Variants in NDUFAF6 observed in about 807,000 individuals in gnomAD.
NDUFAF6 encodes the protein NADH dehydrogenase (ubiquinone) complex I, assembly factor 6.
In NDUFAF6, 45 loss-of-function variants were observed where a neutral mutation model predicts 40.8. The ratio of observed to expected loss-of-function variants is 1.10; its 90% CI spans 0.87 to 1.42. The LOEUF is 1.42. Among genes scored for constraint, NDUFAF6 ranks in the 40% most tolerant of loss-of-function variants. The pLI is 0.00. For missense variants in NDUFAF6, 435 were observed against 418.5 expected (o/e 1.04, Z -0.34); for synonymous variants, 185 against 155.9 (o/e 1.19, Z -1.39).
chr8:95,117,076 T>G (rs1342116372), downstream of NDUFAF6, among the ~76,000 whole-genome samples: 2 of 152,204 alleles, frequency 1.3e-5, no homozygotes, highest in African/African-American at 4.8e-5. Context: ...CTAATGGGAC[T>G]GGTGGCTGTA....
intron 1 of NDUFAF6, among the ~76,000 whole-genome samples, chr8:94,908,862 C>G (rs7001535): frequency 0.62 from 94,545 of 152,038 alleles, 30,116 homozygotes; most frequent in East Asian, 0.79. Flanking sequence ...AGCCTTGACT[C>G]CTAATTTTAT....
chr8:95,052,561 G>A (rs1024658433), intron 8 of NDUFAF6, among the ~76,000 whole-genome samples: 1 of 152,140 alleles, frequency 6.6e-6, no homozygotes, highest in Non-Finnish European at 1.5e-5. Flanking sequence ...AATAATAGGA[G>A]AAACTACTTT....
At chr8:95,006,709 G>A (rs1053848084) in intron 2 of NDUFAF6, among the ~76,000 whole-genome samples, 2 of 152,062 alleles carry the variant, frequency 1.3e-5, no homozygotes, top group South Asian at 2.1e-4. Flanking sequence ...GTGAAACTCC[G>A]TCTCTACAAA....
At chr8:95,046,032 A>ATTTATTTTAT (rs546325431) in intron 5 of NDUFAF6, among the ~76,000 whole-genome samples, 1 of 147,812 alleles carries the variant, frequency 6.8e-6, no homozygotes, top group South Asian at 2.1e-4. Flanking sequence ...AGTAAAACAC[A>ATTTATTTTAT]TTTATTTTAT....
At chr8:95,073,868 C>T (rs1000999547) in intron 9 of NDUFAF6, among the ~76,000 whole-genome samples, 2 of 152,156 alleles carry the variant, frequency 1.3e-5, no homozygotes, top group African/African-American at 4.8e-5. Flanking sequence ...AATTTGAATC[C>T]TGATTCAAAT....
At chr8:95,086,819 G>A (rs13274368) in intron 2 of NDUFAF6, among the ~76,000 whole-genome samples, 21,453 of 151,946 alleles carry the variant, frequency 0.14, 1,811 homozygotes, top group Non-Finnish European at 0.2. Context: ...TAGCCAGGAT[G>A]GTCTCGATCT....
intron 3 of NDUFAF6, among the ~76,000 whole-genome samples, chr8:95,037,668 G>A (rs1167095823): frequency 6.6e-6 from 1 of 152,172 alleles, no homozygotes; most frequent in Non-Finnish European, 1.5e-5. Flanking sequence ...CCTTTGTCAT[G>A]TAATGCATTT....
chr8:94,904,957 T>TG (rs1370076917), intron 1 of NDUFAF6, among the ~76,000 whole-genome samples: 5 of 152,202 alleles, frequency 3.3e-5, no homozygotes, highest in Non-Finnish European at 7.3e-5. Flanking sequence ...CCCAGCACTT[T>TG]GGGAGGCCAA....
rs538172811 is a variant in NDUFAF6, at chr8:95,109,397, C to T, written n.345-6139C>T. Reference sequence around the variant, plus strand: ...GTCTGTAAGGTCTGTATGATCTTTACGGCCTGAGTCAAACTTCTTTCTTAG... The same window carrying T: ...GTCTGTAAGGTCTGTATGATCTTTATGGCCTGAGTCAAACTTCTTTCTTAG... On this transcript the variant is annotated intron_variant and non_coding_transcript_variant, in intron 4 of 5. Coordinates refer to the NDUFAF6 transcript ENST00000523184. 1.1e-4 allele frequency among the ~76,000 whole-genome samples: 17 copies of T among 152,314 alleles called. No individual in the cohort carries two copies. In the East Asian group the frequency reaches 2.3e-3, roughly 21 times the overall value.
chr8:94,961,678 C>T (rs1823590088), intron 1 of NDUFAF6, among the ~76,000 whole-genome samples: 1 of 152,220 alleles, frequency 6.6e-6, no homozygotes, highest in South Asian at 2.1e-4. Flanking sequence ...CCGCCTCAGC[C>T]TCCCAAAGTG....
At chr8:95,031,170 A>G (rs549837940) in intron 1 of NDUFAF6, among the ~76,000 whole-genome samples, 1 of 152,314 alleles carries the variant, frequency 6.6e-6, no homozygotes, top group South Asian at 2.1e-4. Context: ...TTCAGTGGAG[A>G]ATGGTTTCAG....
At chr8:95,089,892 G>A (rs928897050) in intron 2 of NDUFAF6, among the ~76,000 whole-genome samples, 7 of 152,144 alleles carry the variant, frequency 4.6e-5, no homozygotes, top group African/African-American at 1.7e-4. Flanking sequence ...CATGTGTTGT[G>A]TTTTCATATT....
chr8:95,073,595 C>G (rs2132039600), intron 9 of NDUFAF6, among the ~76,000 whole-genome samples: 1 of 152,234 alleles, frequency 6.6e-6, no homozygotes, highest in East Asian at 1.9e-4. Flanking sequence ...AGGGGTCCTG[C>G]GAACCCCATC....
chr8:94,921,859 A>G (rs1036462810), intron 1 of NDUFAF6, among the ~76,000 whole-genome samples: 3 of 152,216 alleles, frequency 2.0e-5, no homozygotes, highest in Non-Finnish European at 4.4e-5. Context: ...GCAGTGGTTT[A>G]GGGCAATGGT....
upstream of NDUFAF6, among the ~76,000 whole-genome samples, chr8:95,023,796 T>C (rs1477718422): frequency 6.6e-6 from 1 of 152,072 alleles, no homozygotes; most frequent in African/African-American, 2.4e-5. Context: ...ATCGAGACCA[T>C]CCTGGCCAAC....
intron 2 of NDUFAF6, among the ~76,000 whole-genome samples, chr8:94,984,937 C>T (rs61596977): frequency 0.11 from 16,012 of 152,098 alleles, 1,045 homozygotes; most frequent in Middle Eastern, 0.22. Flanking sequence ...CCTCCTGCCT[C>T]AGGTGGCAGT....
At chr8:95,064,729 A>G (rs1832661156) in intron 9 of NDUFAF6, among the ~76,000 whole-genome samples, 1 of 151,216 alleles carries the variant, frequency 6.6e-6, no homozygotes, top group Admixed American at 6.6e-5. Context: ...TCAAGGCAAG[A>G]CTCTAATCTT....
chr8:95,093,055 G>A (rs1030438503), intron 2 of NDUFAF6, among the ~76,000 whole-genome samples: 26 of 141,714 alleles, frequency 1.8e-4, no homozygotes, highest in Non-Finnish European at 2.4e-4. Flanking sequence ...AGTTTGAGCT[G>A]AGTTCATAAC....
At chr8:94,939,897 G>C in intron 1 of NDUFAF6, 1 of 1,614,010 alleles carries the variant, frequency 6.2e-7, no homozygotes, top group Non-Finnish European at 8.5e-7. Context: ...TCAGTCCCAC[G>C]GGTGGCCTCA....
Sources: gnomAD v4.1 joint callset for allele counts (sites outside exome capture counted in the v4.1 genomes callset) on GRCh38, gnomAD v4.1.1 for gene constraint, MANE v1.5 for transcripts, NCBI Gene and HGNC (gene_info 2026-07-23, HGNC 2026-07-21) for gene names.